Variants in SMPX observed in about 807,000 individuals in gnomAD.
SMPX encodes small muscular protein.
SMPX carries 2 observed loss-of-function variants against 6.3 expected under a neutral mutation model. The observed-to-expected ratio is 0.32, with a 90% CI of 0.13 to 0.99. The LOEUF (loss-of-function observed/expected upper bound fraction) is 0.99. Among genes scored for constraint, SMPX ranks in the 50% least tolerant of loss-of-function variants. SMPX has a pLI of 0.49. For missense variants in SMPX, 60 were observed against 66.8 expected (o/e 0.90, Z 0.36); for synonymous variants, 32 against 24.7 (o/e 1.30, Z -0.88).
intron 2 of SMPX, among the ~76,000 whole-genome samples, chrX:21,747,262 TTCA>T (rs2092822588): frequency 9.0e-6 from 1 of 111,230 alleles, no homozygotes; most frequent in Non-Finnish European, 1.9e-5. Flanking sequence ...CTGAGGTTTA[TTCA>T]TTTTAGAGAT....
rs1322412582 is a variant in SMPX, at chrX:21,754,301, C to T, written c.-11G>A. 1.7e-6 allele frequency: 2 copies of T among 1,200,874 alleles called. No homozygotes were observed. The highest frequency in any genetic ancestry group is 2.3e-6 in the Non-Finnish European group (2 of 885,563). On this transcript the variant is annotated splice_region_variant and 5_prime_UTR_variant, in exon 2 of 5. Transcript: ENST00000379494. Reference sequence around the variant, plus strand: ...TTTCGACATATTCATGCAGTCTTATCCCTAAAAAAACAAGTAAGAAACTGT... The same window carrying T: ...TTTCGACATATTCATGCAGTCTTATTCCTAAAAAAACAAGTAAGAAACTGT...
chrX:21,756,678 G>GT (rs1163353298), intron 1 of SMPX, among the ~76,000 whole-genome samples: 1 of 112,433 alleles, frequency 8.9e-6, no homozygotes, highest in Non-Finnish European at 1.9e-5. Flanking sequence ...GTAGAGTGCG[G>GT]AACACACCTT....
intron 4 of SMPX, among the ~76,000 whole-genome samples, chrX:21,731,248 T>A: frequency 9.3e-6 from 1 of 108,077 alleles, no homozygotes; most frequent in Admixed American, 9.9e-5. Flanking sequence ...TTTGTATGAT[T>A]TCAATCCTTT....
At chrX:21,715,303 T>TGTGTGTGTGTGCGC (rs1175730294) in intron 4 of SMPX, among the ~76,000 whole-genome samples, 19 of 86,071 alleles carry the variant, frequency 2.2e-4, no homozygotes, top group African/African-American at 1.1e-3. Context: ...TGTGTGTGTG[T>TGTGTGTGTGTGCGC]GCGCGCACGC....
At chrX:21,724,623 T>A (rs1602102444) in intron 4 of SMPX, among the ~76,000 whole-genome samples, 1 of 112,491 alleles carries the variant, frequency 8.9e-6, no homozygotes, top group African/African-American at 3.2e-5. Context: ...ATCCCCTTCC[T>A]GGGCACCTGT....
rs192165167 is a variant in SMPX, at chrX:21,712,375, G to A, written c.*15-5981C>T. ...CACCTGAAATCCAGATTAAAGTAGC[G>A]TTAAGTGCAGGACCGGGATAATTCG... On this transcript the variant is annotated intron_variant, in intron 4 of 4. Transcript: ENST00000379494. Among the ~76,000 whole-genome samples, 6 of 112,245 alleles carry A rather than the reference G, an allele frequency of 5.3e-5. No homozygotes were observed. The Admixed American group carries it at 5.7e-4, about 11-fold the overall frequency.
At chrX:21,732,938 C>T (rs1302192286) in intron 4 of SMPX, among the ~76,000 whole-genome samples, 1 of 111,539 alleles carries the variant, frequency 9.0e-6, no homozygotes, top group Admixed American at 9.5e-5. Flanking sequence ...ATATGGCCAT[C>T]TGCAAGCCAG....
intron 4 of SMPX, among the ~76,000 whole-genome samples, chrX:21,734,954 C>T (rs1217935226): frequency 9.0e-6 from 1 of 111,421 alleles, no homozygotes; most frequent in Admixed American, 9.5e-5. Context: ...TTATGTGGAC[C>T]TTGCGCCTTG....
Position 21,719,540 on chromosome X carries a change from A to AAAAGAAAGAAAG in SMPX, c.*15-13158_*15-13147dup, listed in dbSNP as rs377515861. Among the ~76,000 whole-genome samples, 58 of 108,869 alleles carry AAAAGAAAGAAAG rather than the reference A, an allele frequency of 5.3e-4. 1 individual carries two copies. The highest frequency in any genetic ancestry group is 1.9e-3 in the African/African-American group (56 of 29,260). 94.5% of individuals were successfully genotyped at this position (108,869 alleles called of 115,157 possible). On this transcript the variant is annotated intron_variant, in intron 4 of 4. Coordinates refer to ENST00000379494, the MANE Select transcript of SMPX (RefSeq NM_014332.3). Reference sequence around the variant, plus strand: ...CAAAAAAAAAAAGAAGAAGAAGAAGAAAAGAAAGAAAGAAAGAAAGAAAGA... The same window carrying AAAAGAAAGAAAG: ...CAAAAAAAAAAAGAAGAAGAAGAAGAAAAGAAAGAAAGAAAGAAAGAAAGAAAGAAAGAAAGA...
chrX:21,715,316 G>GCGCA (rs2092783733), intron 4 of SMPX, among the ~76,000 whole-genome samples: 1 of 109,626 alleles, frequency 9.1e-6, no homozygotes, highest in Admixed American at 9.6e-5. Flanking sequence ...GCGCACGCGC[G>GCGCA]CGCGCTCGCG....
At chrX:21,741,030 C>A (rs1323659419) in intron 3 of SMPX, among the ~76,000 whole-genome samples, 1 of 112,162 alleles carries the variant, frequency 8.9e-6, no homozygotes, top group Non-Finnish European at 1.9e-5. Context: ...TGGGCACATG[C>A]CCATCTGTGG....
chrX:21,745,147 T>A (rs1399265105), intron 2 of SMPX, among the ~76,000 whole-genome samples: 1 of 111,943 alleles, frequency 8.9e-6, no homozygotes, highest in Non-Finnish European at 1.9e-5. Context: ...ACCGGAGAGG[T>A]ACATCATTGT....
Position 21,758,114 on chromosome X carries a change from G to A in SMPX, c.-185C>T, listed in dbSNP as rs1428004257. On this transcript the variant is annotated 5_prime_UTR_variant, in exon 1 of 5. Coordinates refer to ENST00000379494, the MANE Select transcript of SMPX (RefSeq NM_014332.3). Reference sequence around the variant, plus strand: ...TGTGCCTCTCCCGGTATTGAGAACTGCTCCTGGCTCGGGGCTGGAGGGGAA... The same window carrying A: ...TGTGCCTCTCCCGGTATTGAGAACTACTCCTGGCTCGGGGCTGGAGGGGAA... 1 of 327,792 alleles carries A rather than the reference G, an allele frequency of 3.1e-6. No individual in the cohort carries two copies. Among genetic ancestry groups the A allele is most frequent in the East Asian group, 9.8e-5 (1 of 10,255 alleles). 27.0% of individuals were successfully genotyped at this position (327,792 alleles called of 1,213,427 possible).
intron 4 of SMPX, among the ~76,000 whole-genome samples, chrX:21,724,254 C>T (rs986661125): frequency 4.5e-5 from 5 of 111,784 alleles, no homozygotes; most frequent in Non-Finnish European, 9.4e-5. Context: ...TGAAGTTTTC[C>T]CCAGACCCAT....
chrX:21,743,960 A>C (rs769419336), intron 2 of SMPX, 124 bp from the exon 3 acceptor site: 3 of 529,138 alleles, frequency 5.7e-6, no homozygotes, highest in Non-Finnish European at 9.8e-6. Context: ...TTTTTATCTC[A>C]GGAAAATTGC....
At chrX:21,730,757 C>G (rs1042162730) in intron 4 of SMPX, among the ~76,000 whole-genome samples, 1 of 112,030 alleles carries the variant, frequency 8.9e-6, no homozygotes, top group African/African-American at 3.2e-5. Context: ...AAATGGCGAT[C>G]TACTGGGCAA....
In SMPX at chrX:21,733,798, T is replaced by A. The variant is rs144291900; in HGVS notation, c.*14+3751A>T. The A allele has an allele frequency of 3.3e-3, 1,071 of 322,052 alleles. 4 individuals are homozygous for A. The highest frequency in any genetic ancestry group is 0.024 in the Middle Eastern group (24 of 985). The allele number at this position is 322,052 out of a possible 1,213,427, so 26.5% of individuals were successfully genotyped here. A position where few individuals can be genotyped will look rare whatever the true frequency, so the allele number is the denominator to read the frequency against. On this transcript the variant is annotated intron_variant, in intron 4 of 4. Coordinates refer to ENST00000379494, the MANE Select transcript of SMPX (RefSeq NM_014332.3). Reference sequence around the variant, plus strand: ...AGATGGTGTAGGCAGGCTGTGGGGTTTTATTTTGTTATGCTCCAAAAGTTT... The same window carrying A: ...AGATGGTGTAGGCAGGCTGTGGGGTATTATTTTGTTATGCTCCAAAAGTTT...
intron 3 of SMPX, among the ~76,000 whole-genome samples, chrX:21,737,972 C>T (rs375736029): frequency 2.3e-4 from 26 of 112,018 alleles, no homozygotes; most frequent in African/African-American, 7.5e-4. Flanking sequence ...TGATAACTAA[C>T]AAAAATTACT....
chrX:21,725,499 T>A (rs959351447), intron 4 of SMPX, among the ~76,000 whole-genome samples: 7 of 112,365 alleles, frequency 6.2e-5, no homozygotes, highest in African/African-American at 2.3e-4. Context: ...AAAAATCAAA[T>A]TACAAACGAG....
Sources: gnomAD v4.1 joint callset for allele counts (sites outside exome capture counted in the v4.1 genomes callset) on GRCh38, gnomAD v4.1.1 for gene constraint, MANE v1.5 for transcripts, NCBI Gene and HGNC (gene_info 2026-07-23, HGNC 2026-07-21) for gene names.